Variants in GIPC2 observed in about 807,000 individuals in gnomAD.
GIPC2 encodes the protein GIPC PDZ domain containing family member 2.
GIPC2 carries 30 observed loss-of-function variants against 30.6 expected under a neutral mutation model. The ratio of observed to expected loss-of-function variants is 0.98; its 90% confidence interval spans 0.73 to 1.33. The LOEUF is 1.33. GIPC2 is among the 40% of genes most tolerant of loss of function. The probability of loss-of-function intolerance (pLI) is 0.00; values close to 1 mark genes in which losing one functional copy is unlikely to be tolerated. For synonymous variants in GIPC2, 167 were observed against 150.0 expected (o/e 1.11, Z -0.83); for missense variants, 414 against 390.3 (o/e 1.06, Z -0.51).
intron 3 of GIPC2, among the ~76,000 whole-genome samples, chr1:78,096,468 C>G (rs1365415972): frequency 6.7e-6 from 1 of 149,968 alleles, no homozygotes; most frequent in Admixed American, 6.6e-5. Context: ...ACTACATAAT[C>G]TGTTTCCAGA....
chr1:78,089,966 A>T (rs919274533), intron 2 of GIPC2, among the ~76,000 whole-genome samples: 1 of 152,230 alleles, frequency 6.6e-6, no homozygotes, highest in Admixed American at 6.5e-5. Context: ...ACTTACTCAT[A>T]GACACTGTAA....
chr1:78,116,969 C>T (rs1197667770), intron 3 of GIPC2, among the ~76,000 whole-genome samples: 1 of 151,866 alleles, frequency 6.6e-6, no homozygotes, highest in Non-Finnish European at 1.5e-5. Context: ...TACAGTCCCA[C>T]CAACAGTGTA....
At chr1:78,101,598 A>G (rs1309418069) in intron 3 of GIPC2, among the ~76,000 whole-genome samples, 3 of 152,182 alleles carry the variant, frequency 2.0e-5, no homozygotes, top group Admixed American at 1.3e-4. Flanking sequence ...CCCTTGTTGA[A>G]AGTTTGTAGT....
intron 1 of GIPC2, among the ~76,000 whole-genome samples, chr1:78,054,694 A>G (rs1661254974): frequency 6.6e-6 from 1 of 152,226 alleles, no homozygotes; most frequent in Admixed American, 6.5e-5. Flanking sequence ...TCATTTTTAT[A>G]TGAAAAATTC....
intron 2 of GIPC2, among the ~76,000 whole-genome samples, chr1:78,082,992 TA>T (rs756837740): frequency 5.3e-4 from 81 of 152,294 alleles, no homozygotes; most frequent in Admixed American, 7.2e-4. Flanking sequence ...AGAGTGTAAT[TA>T]CTAAGAACAA....
intron 5 of GIPC2, among the ~76,000 whole-genome samples, chr1:78,135,139 TGG>T (rs1437503334): frequency 2.6e-5 from 4 of 152,164 alleles, no homozygotes; most frequent in Admixed American, 6.5e-5. Flanking sequence ...TTTTTGTCTT[TGG>T]GCAGGGAGGA....
At chr1:78,047,653 A>G (rs1008805956) in intron 1 of GIPC2, among the ~76,000 whole-genome samples, 3 of 152,120 alleles carry the variant, frequency 2.0e-5, no homozygotes, top group African/African-American at 7.2e-5. Flanking sequence ...TGTGGACTTG[A>G]ATGAGTTTAA....
intron 1 of GIPC2, among the ~76,000 whole-genome samples, chr1:78,058,926 A>T (rs955271426): frequency 2.0e-5 from 3 of 152,196 alleles, no homozygotes; most frequent in Non-Finnish European, 2.9e-5. Flanking sequence ...GTTATAGTGA[A>T]TGCCCATTTA....
At chr1:78,109,427 C>G (rs956789572) in intron 3 of GIPC2, among the ~76,000 whole-genome samples, 1 of 152,166 alleles carries the variant, frequency 6.6e-6, no homozygotes, top group Non-Finnish European at 1.5e-5. Flanking sequence ...TAATAGAATG[C>G]AAAATGAGGT....
At chr1:78,053,768 C>CAAA in intron 1 of GIPC2, among the ~76,000 whole-genome samples, 1 of 127,968 alleles carries the variant, frequency 7.8e-6, no homozygotes, top group Non-Finnish European at 1.6e-5. Context: ...AAAAAAAAGC[C>CAAA]AAAAAAAAAA....
chr1:78,105,165 A>T (rs1278615401), intron 3 of GIPC2, among the ~76,000 whole-genome samples: 3 of 152,166 alleles, frequency 2.0e-5, no homozygotes, highest in Non-Finnish European at 4.4e-5. Context: ...AATTTTTTTT[A>T]TCGAATGCTC....
chr1:78,118,726 G>T (rs545982844), intron 3 of GIPC2, among the ~76,000 whole-genome samples: 1 of 152,104 alleles, frequency 6.6e-6, no homozygotes, highest in African/African-American at 2.4e-5. Context: ...CTTTCAAGAG[G>T]TGTGGGCTGG....
rs189645494 is a variant in GIPC2, at chr1:78,108,675, T to C, written c.608-10718T>C. On this transcript the variant is annotated intron_variant, in intron 3 of 5. Coordinates refer to ENST00000370759, the MANE Select transcript of GIPC2 (RefSeq NM_017655.6). ...AGGAAGGATGCAGGGAGAAAGGGAGTGTCGTTAAAATCTTAAATTCTGAGA... is the reference window on the plus strand; with the variant it reads ...AGGAAGGATGCAGGGAGAAAGGGAGCGTCGTTAAAATCTTAAATTCTGAGA... Among the ~76,000 whole-genome samples the C allele has an allele frequency of 1.6e-3, 250 of 151,842 alleles. 4 individuals carry two copies. The highest frequency in any genetic ancestry group is 5.9e-3 in the African/African-American group (244 of 41,370).
intron 5 of GIPC2, among the ~76,000 whole-genome samples, chr1:78,130,356 C>T (rs1662870573): frequency 1.3e-5 from 2 of 152,104 alleles, no homozygotes; most frequent in Admixed American, 1.3e-4. Flanking sequence ...CCTGCCTTGG[C>T]CTCCCAAAGT....
At chr1:78,100,009 G>T (rs1662211786) in intron 3 of GIPC2, among the ~76,000 whole-genome samples, 1 of 152,180 alleles carries the variant, frequency 6.6e-6, no homozygotes, top group African/African-American at 2.4e-5. Context: ...CAAAGACTGG[G>T]CAATGAAGAG....
intron 3 of GIPC2, among the ~76,000 whole-genome samples, chr1:78,105,578 G>C (rs1392835028): frequency 6.6e-6 from 1 of 152,000 alleles, no homozygotes; most frequent in African/African-American, 2.4e-5. Context: ...GAGCCACCTT[G>C]CCCGACCAGA....
At chr1:78,052,394 C>A (rs1228379676) in intron 1 of GIPC2, among the ~76,000 whole-genome samples, 4 of 152,136 alleles carry the variant, frequency 2.6e-5, no homozygotes, top group Non-Finnish European at 4.4e-5. Context: ...CTAGACTTTG[C>A]CTGAAACATA....
intron 3 of GIPC2, chr1:78,112,359 T>C (rs1662480785): frequency 2.0e-6 from 1 of 509,272 alleles, no homozygotes; most frequent in Non-Finnish European, 3.9e-6. Flanking sequence ...AGTGTGATCC[T>C]GTTAGGCAAC....
intron 5 of GIPC2, among the ~76,000 whole-genome samples, chr1:78,133,010 T>G (rs1405575067): frequency 6.6e-6 from 1 of 152,220 alleles, no homozygotes; most frequent in Non-Finnish European, 1.5e-5. Context: ...GTACTTCACC[T>G]TAACATTCTG....
Sources: gnomAD v4.1 joint callset for allele counts (sites outside exome capture counted in the v4.1 genomes callset) on GRCh38, gnomAD v4.1.1 for gene constraint, MANE v1.5 for transcripts, NCBI Gene and HGNC (gene_info 2026-07-23, HGNC 2026-07-21) for gene names.